The following DHX57 variants were observed in gnomAD, a reference collection of about 807,000 sequenced individuals.
The protein encoded by DHX57 is putative ATP-dependent RNA helicase DHX57.
In DHX57, 105 loss-of-function variants were observed where a neutral mutation model predicts 156.2. The ratio of observed to expected loss-of-function variants is 0.67; its 90% CI spans 0.57 to 0.79. The LOEUF is 0.79. Ranked by LOEUF, DHX57 falls within the 30% of genes least tolerant of loss-of-function variation. The pLI is 0.00. For missense variants in DHX57, 1,847 were observed against 1,661.9 expected (o/e 1.11, Z -1.94); for synonymous variants, 704 against 595.6 (o/e 1.18, Z -2.65).
In DHX57 at chr2:38,858,819, A is replaced by C. The variant is rs765077550; in HGVS notation, c.1429T>G (p.Ser477Ala). The C allele has an allele frequency of 6.2e-7, 1 of 1,609,426 alleles. No homozygotes were observed. The highest frequency in any genetic ancestry group is 1.1e-5 in the South Asian group (1 of 89,626). ...CCGTCATCCTCATCTGACTCCTCAG[A>C]TTCTGATGCTTTTTCAACTTGAAGG... ...QIPEVEKASE[S>A]EESDEDDGPA... The change falls in exon 6 of 24, where the codon TCT becomes GCT. Residue 477 changes from serine (S) to alanine (A), a missense_variant. Ser to Ala is a moderately conservative substitution (Grantham distance 99). Coordinates refer to ENST00000457308, the MANE Select transcript of DHX57 (RefSeq NM_198963.3).
rs771064623 is a variant in DHX57 at position 38,825,844 on chromosome 2, C to T, written c.3014+3G>A. The T allele has an allele frequency of 9.9e-6, 16 of 1,613,942 alleles. No individual in the cohort carries two copies. The highest frequency in any genetic ancestry group is 1.4e-5 in the Non-Finnish European group (16 of 1,179,994). On this transcript the variant is annotated splice_donor_region_variant and intron_variant, in intron 16 of 23. Transcript: ENST00000457308. ...AAGCAAAACACAAAAAACCAGATGTCACCTTAGACACAGCTGTTCCAATGG... is the reference window on the plus strand; with the variant it reads ...AAGCAAAACACAAAAAACCAGATGTTACCTTAGACACAGCTGTTCCAATGG...
rs532452162 is a variant in DHX57, at chr2:38,814,530, C to T, written c.3607-635G>A. On this transcript the variant is annotated intron_variant, in intron 20 of 23. Coordinates refer to ENST00000457308, the MANE Select transcript of DHX57 (RefSeq NM_198963.3). The stretch of plus-strand genomic sequence containing the variant: ...ATCTCCAGAAAGTGCTAACTGCACT[C>T]GGAACACAGGAGCATCAGGTTCATC... 2.0e-5 allele frequency among the ~76,000 whole-genome samples: 3 copies of T among 152,232 alleles called. No homozygotes were observed. In the South Asian group the frequency reaches 6.2e-4, roughly 32 times the overall value.
At chr2:38,874,956 C>CA (rs1665538164) in intron 1 of DHX57, among the ~76,000 whole-genome samples, 1 of 152,178 alleles carries the variant, frequency 6.6e-6, no homozygotes, top group Admixed American at 6.5e-5. Flanking sequence ...AACTTCATCT[C>CA]AAAAACCATG....
At chr2:38,819,985 A>C (rs995118746) in intron 17 of DHX57, among the ~76,000 whole-genome samples, 9 of 152,206 alleles carry the variant, frequency 5.9e-5, no homozygotes, top group Admixed American at 2.6e-4. Context: ...TTAATCCAAT[A>C]ATAATATTTC....
chr2:38,810,752 TTTTGCGCAC>T, intron 21 of DHX57: 1 of 826,012 alleles, frequency 1.2e-6, no homozygotes, highest in Non-Finnish European at 2.1e-6. Flanking sequence ...CCTTGTTTGA[TTTTGCGCAC>T]TTCCTGTTCC....
intron 16 of DHX57, among the ~76,000 whole-genome samples, chr2:38,824,592 T>C (rs1670997840): frequency 6.6e-6 from 1 of 152,138 alleles, no homozygotes; most frequent in African/African-American, 2.4e-5. Context: ...ATGAAAAAGG[T>C]TTAAACGATC....
At chr2:38,867,350 A>G (rs998397180) in intron 2 of DHX57, 1 of 152,252 alleles carries the variant, frequency 6.6e-6, no homozygotes, top group African/African-American at 2.4e-5. Context: ...ATGCAATAGC[A>G]AAACATTTAC....
Position 38,823,085 on chromosome 2 carries a change from T to G in DHX57, c.3199A>C (p.Arg1067=), listed in dbSNP as rs1207912238. 27 of 1,614,020 alleles carry G rather than the reference T, an allele frequency of 1.7e-5. No individual in the cohort carries two copies. Among genetic ancestry groups the G allele is most frequent in the African/African-American group, 2.7e-5 (2 of 74,912 alleles). The change falls in exon 17 of 24, where the codon AGA becomes CGA. Residue 1067 remains arginine, a synonymous_variant. Transcript: ENST00000457308. ...CCAAACAACATTAGTTTGCCAATTCTCACATCCACGGGCAGAGAGGCCAAA... is the reference window on the plus strand; with the variant it reads ...CCAAACAACATTAGTTTGCCAATTCGCACATCCACGGGCAGAGAGGCCAAA... The part of the protein sequence containing the change: ...YHLASLPVDV[R]IGKLMLFGSI...
intron 21 of DHX57, among the ~76,000 whole-genome samples, chr2:38,807,551 G>C (rs1005488598): frequency 2.6e-5 from 4 of 151,820 alleles, no homozygotes; most frequent in African/African-American, 7.3e-5. Flanking sequence ...TAGAGACGGG[G>C]TTTCACCATG....
intron 16 of DHX57, among the ~76,000 whole-genome samples, chr2:38,825,165 CTA>C (rs1671027371): frequency 6.6e-6 from 1 of 152,174 alleles, no homozygotes; most frequent in Non-Finnish European, 1.5e-5. Context: ...AGTTGCCAAT[CTA>C]TATACACACA....
rs1672747483 is a variant in DHX57, at chr2:38,853,979, A to G, written c.2030+75T>C. ...TACTAGCTGCATGAAACTGAATTGG[A>G]ACTAGAAAACAATTTTTTCTGCCAT... is the stretch of plus-strand genomic sequence containing the variant. On this transcript the variant is annotated intron_variant, in intron 9 of 23. Transcript: ENST00000457308. The G allele has an allele frequency of 1.7e-5, 25 of 1,434,442 alleles. 1 individual carries two copies. In the South Asian group the frequency reaches 3.6e-4, roughly 20 times the overall value. 88.9% of individuals were successfully genotyped at this position (1,434,442 alleles called of 1,614,324 possible).
Position 38,863,508 on chromosome 2 carries a change from C to T in DHX57, c.236G>A (p.Ser79Asn), listed in dbSNP as rs769813148. 19 of 1,613,560 alleles carry T rather than the reference C, an allele frequency of 1.2e-5. No homozygotes were observed. The Admixed American group carries it at 2.8e-4, about 24-fold the overall frequency. The stretch of plus-strand genomic sequence containing the variant: ...GCGTGACTCTCCTTTGCTTATGTTA[C>T]TGTTGCTAGGTCTATAGAGAACAAA... The part of the protein sequence containing the change: ...ESRRPSRPSN[S>N]NISKGESRPK... Residue 79 changes from serine to asparagine, a missense_variant, in exon 3 of 24, where the codon AGT becomes AAT. Ser to Asn is a conservative substitution (Grantham distance 46). Transcript: ENST00000457308.
Position 38,848,408 on chromosome 2 carries a change from G to C in DHX57, c.2031-6C>G. The C allele has an allele frequency of 1.3e-6, 2 of 1,574,170 alleles. No individual in the cohort carries two copies. The highest frequency in any genetic ancestry group is 1.7e-6 in the Non-Finnish European group (2 of 1,165,602). ...AAACTAGCAGCAAGAAGTCACTAGA[G>C]AAAATAAAAGAAACACCTGAGGATC... is the stretch of plus-strand genomic sequence containing the variant. On this transcript the variant is annotated splice_polypyrimidine_tract_variant and splice_region_variant and intron_variant, in intron 9 of 23. Coordinates refer to ENST00000457308, the MANE Select transcript of DHX57 (RefSeq NM_198963.3).
At chr2:38,822,965 C>A (rs775148254) in intron 17 of DHX57, 28 bp downstream of exon 17, 1 of 1,608,452 alleles carries the variant, frequency 6.2e-7, no homozygotes, top group Admixed American at 1.7e-5. Flanking sequence ...CTTAGAGACT[C>A]CAGTTTAGAT....
At chr2:38,805,369 T>C (rs1249017797) in intron 22 of DHX57, among the ~76,000 whole-genome samples, 3 of 152,168 alleles carry the variant, frequency 2.0e-5, no homozygotes, top group African/African-American at 4.8e-5. Flanking sequence ...TAAGGAGTCA[T>C]GTGAGAGTGT....
At chr2:38,861,972 T>C (rs1430421335) in intron 4 of DHX57, 135 bp from the exon 5 acceptor site, 2 of 1,232,378 alleles carry the variant, frequency 1.6e-6, no homozygotes, top group Non-Finnish European at 2.2e-6. Flanking sequence ...AAAGCATCCC[T>C]GATAACAATA....
intron 19 of DHX57, 112 bp from the exon 20 acceptor site, chr2:38,815,767 T>C (rs770813630): frequency 5.7e-5 from 72 of 1,271,948 alleles, no homozygotes; most frequent in Non-Finnish European, 7.7e-5. Context: ...GCAATGAGGC[T>C]CAAGTGGATT....
chr2:38,861,786 T>A lies in DHX57; in HGVS notation c.624A>T (p.Gly208=). The change falls in exon 5 of 24, where the codon GGA becomes GGT. Residue 208 remains glycine, a synonymous_variant. Coordinates refer to ENST00000457308, the MANE Select transcript of DHX57 (RefSeq NM_198963.3). The stretch of plus-strand genomic sequence containing the variant: ...GATGCTCTAGTGATGCTCCCACATC[T>A]CCATCACACATCCTCAGGACCGCTT... ...RCQAVLRMCD[G]DVGASLEHLL... 6.2e-7 allele frequency: 1 copy of A among 1,613,782 alleles called. No homozygotes were observed. Among genetic ancestry groups the A allele is most frequent in the East Asian group, 2.2e-5 (1 of 44,872 alleles).
At chr2:38,832,490 G>C (rs1275093676) in intron 13 of DHX57, among the ~76,000 whole-genome samples, 3 of 151,518 alleles carry the variant, frequency 2.0e-5, no homozygotes. Context: ...GAAGAGAGCA[G>C]CCATTCTCAT....
Sources: allele counts gnomAD v4.1 joint callset (sites outside exome capture counted in the v4.1 genomes callset), GRCh38; gene constraint gnomAD v4.1.1; transcripts MANE v1.5; gene names NCBI Gene and HGNC (gene_info 2026-07-23, HGNC 2026-07-21).